The following KALRN variants were observed in gnomAD, a reference collection of about 807,000 sequenced individuals.
KALRN encodes kalirin.
In KALRN, 70 loss-of-function variants were observed where a neutral mutation model predicts 353.7. The ratio of observed to expected loss-of-function variants is 0.20; its 90% CI spans 0.16 to 0.24. The LOEUF is 0.24. KALRN is among the 10% of genes least tolerant of loss of function. The pLI, the probability that KALRN is intolerant of heterozygous loss-of-function variation, is 1.00. For synonymous variants in KALRN, 1,391 were observed against 1,434.8 expected (o/e 0.97, Z 0.69); for missense variants, 2,791 against 3,756.7 (o/e 0.74, Z 6.72).
intron 13 of KALRN, among the ~76,000 whole-genome samples, chr3:124,401,391 G>T (rs1245916159): frequency 2.6e-5 from 4 of 152,172 alleles, no homozygotes; most frequent in Admixed American, 2.0e-4. Flanking sequence ...CATGGTCCCA[G>T]CTACTCAGGA....
chr3:124,660,356 C>T (rs1361817896), intron 43 of KALRN, among the ~76,000 whole-genome samples: 1 of 152,150 alleles, frequency 6.6e-6, no homozygotes, highest in East Asian at 1.9e-4. Context: ...CCTTTGTCTT[C>T]CCTCCCTCTC....
At chr3:124,039,586 C>T (rs1397451365) in intron 1 of KALRN, among the ~76,000 whole-genome samples, 3 of 152,188 alleles carry the variant, frequency 2.0e-5, no homozygotes, top group Non-Finnish European at 4.4e-5. Flanking sequence ...ATAACCCCAT[C>T]ACATCTAGGC....
intron 34 of KALRN, among the ~76,000 whole-genome samples, chr3:124,611,718 G>A (rs1207566900): frequency 6.6e-6 from 1 of 152,208 alleles, no homozygotes; most frequent in Non-Finnish European, 1.5e-5. Flanking sequence ...GCTTCCTGCT[G>A]TGCCCTGCAA....
intron 3 of KALRN, among the ~76,000 whole-genome samples, chr3:124,260,318 A>G (rs2072658975): frequency 6.6e-6 from 1 of 152,228 alleles, no homozygotes; most frequent in Non-Finnish European, 1.5e-5. Context: ...TTGAGCTCCC[A>G]GGCCCAAATG....
At chr3:124,458,987 A>ATTGAAACC (rs2059597964) in intron 23 of KALRN, among the ~76,000 whole-genome samples, 1 of 152,208 alleles carries the variant, frequency 6.6e-6, no homozygotes, top group East Asian at 1.9e-4. Flanking sequence ...GGATATAGAA[A>ATTGAAACC]TTGAAACCTT....
At position 124,398,668 on chromosome 3, in the gene KALRN, C is replaced by T. The variant is rs59190422; in HGVS notation, c.2172-29C>T. ...ACTTTTAACATGGAAAGGCCTCTCC[C>T]TCCCTTTTTTCTCCCCACTCTGCCA... On this transcript the variant is annotated intron_variant, in intron 12 of 59. Transcript: ENST00000682506. 1,028 of 1,613,336 alleles carry T rather than the reference C, an allele frequency of 6.4e-4. 10 individuals carry two copies. The African/African-American group carries it at 0.013, about 20-fold the overall frequency.
chr3:124,524,723 G>T (rs1341511223), intron 33 of KALRN, among the ~76,000 whole-genome samples: 1 of 152,122 alleles, frequency 6.6e-6, no homozygotes, highest in East Asian at 1.9e-4. Context: ...GTGCATATAG[G>T]TACACAAATA....
intron 33 of KALRN, among the ~76,000 whole-genome samples, chr3:124,508,028 C>T (rs1302020074): frequency 6.6e-6 from 1 of 152,036 alleles, no homozygotes. Flanking sequence ...ATTTATATTA[C>T]CTAACTGAAA....
chr3:124,710,256 T>C (rs2062827063), intron 57 of KALRN, among the ~76,000 whole-genome samples: 1 of 152,236 alleles, frequency 6.6e-6, no homozygotes, highest in Non-Finnish European at 1.5e-5. Flanking sequence ...CATAGTGTAG[T>C]AATGTAGATA....
At chr3:124,633,982 A>C in intron 36 of KALRN, 29 bp downstream of exon 36, 1 of 1,561,444 alleles carries the variant, frequency 6.4e-7, no homozygotes, top group Non-Finnish European at 8.8e-7. Flanking sequence ...CTCACTTAAA[A>C]GAGCAACGTG....
At chr3:124,323,528 CA>C (rs1273580370) in intron 6 of KALRN, among the ~76,000 whole-genome samples, 3 of 152,108 alleles carry the variant, frequency 2.0e-5, no homozygotes, top group South Asian at 2.1e-4. Flanking sequence ...TCTACAGAGG[CA>C]GCCACAGTTG....
chr3:124,413,400 TG>T, intron 13 of KALRN, 69 bp from the exon 14 acceptor site: 1 of 1,302,804 alleles, frequency 7.7e-7, no homozygotes, highest in Non-Finnish European at 1.1e-6. Context: ...GGCTTGGAAT[TG>T]TGAGCCTTAA....
chr3:124,301,694 G>C (rs1049792988), intron 6 of KALRN, among the ~76,000 whole-genome samples: 5 of 152,206 alleles, frequency 3.3e-5, no homozygotes, highest in Non-Finnish European at 7.3e-5. Flanking sequence ...CTGGGTGATG[G>C]ATGTTGCTGC....
intron 1 of KALRN, among the ~76,000 whole-genome samples, chr3:124,190,809 A>C (rs1003029957): frequency 1.3e-5 from 2 of 152,226 alleles, no homozygotes; most frequent in African/African-American, 4.8e-5. Flanking sequence ...GTTCTTCAGC[A>C]GACACCAACT....
intron 2 of KALRN, among the ~76,000 whole-genome samples, chr3:124,233,488 A>G (rs1360259271): frequency 5.3e-5 from 8 of 152,176 alleles, no homozygotes; most frequent in Admixed American, 5.2e-4. Flanking sequence ...GGCGCTGGGC[A>G]GTGGTGGTGG....
At chr3:124,620,400 G>C (rs114493565) in intron 34 of KALRN, among the ~76,000 whole-genome samples, 3 of 152,092 alleles carry the variant, frequency 2.0e-5, no homozygotes, top group Non-Finnish European at 4.4e-5. Flanking sequence ...CACCACTCCC[G>C]GCCTTGGTGG....
chr3:124,046,228 T>A (rs932762324), intron 1 of KALRN, among the ~76,000 whole-genome samples: 3 of 152,182 alleles, frequency 2.0e-5, no homozygotes, highest in Non-Finnish European at 4.4e-5. Context: ...TGGTAGAGAC[T>A]CAAAGTATTA....
chr3:124,109,498 G>A (rs555803539), intron 1 of KALRN, among the ~76,000 whole-genome samples: 2 of 151,660 alleles, frequency 1.3e-5, no homozygotes, highest in South Asian at 4.2e-4. Flanking sequence ...ATACTTTCAA[G>A]CTTATCTTTT....
At chr3:124,099,113 A>G (rs1488744175) in intron 1 of KALRN, among the ~76,000 whole-genome samples, 1 of 152,210 alleles carries the variant, frequency 6.6e-6, no homozygotes. Context: ...TATGTTAGGA[A>G]CATTTCAAAT....
Sources: allele counts gnomAD v4.1 joint callset (sites outside exome capture counted in the v4.1 genomes callset), GRCh38; gene constraint gnomAD v4.1.1; transcripts MANE v1.5; gene names NCBI Gene and HGNC (gene_info 2026-07-23, HGNC 2026-07-21).